Variants in TTPA observed in about 807,000 individuals in gnomAD.
TTPA encodes alpha tocopherol transfer protein.
Under a neutral mutation model 25.9 loss-of-function variants are expected in TTPA, and 23 were observed. The ratio of observed to expected loss-of-function variants is 0.89; its 90% CI spans 0.64 to 1.26. TTPA has a LOEUF of 1.26. TTPA is among the 50% of genes most tolerant of loss of function. The pLI is 0.00. For synonymous variants in TTPA, 148 were observed against 137.3 expected (o/e 1.08, Z -0.54); for missense variants, 337 against 353.1 (o/e 0.95, Z 0.37).
chr8:63,065,257 A>G (rs1805371146), intron 3 of TTPA, among the ~76,000 whole-genome samples: 1 of 152,182 alleles, frequency 6.6e-6, no homozygotes, highest in Non-Finnish European at 1.5e-5. Flanking sequence ...TCACTTCACT[A>G]CTGGCAAACT....
chr8:63,066,943 T>C (rs1319041631), intron 2 of TTPA, among the ~76,000 whole-genome samples: 1 of 151,684 alleles, frequency 6.6e-6, no homozygotes, highest in Non-Finnish European at 1.5e-5. Flanking sequence ...GGTGCAGTGG[T>C]AGGTGCCTGT....
intron 4 of TTPA, among the ~76,000 whole-genome samples, chr8:63,063,393 T>C (rs957447353): frequency 2.0e-5 from 3 of 152,186 alleles, no homozygotes; most frequent in Non-Finnish European, 4.4e-5. Context: ...TCCAGTATCT[T>C]TGCTCTAACT....
At chr8:63,085,677 C>T in intron 1 of TTPA, 141 bp downstream of exon 1, 1 of 965,916 alleles carries the variant, frequency 1.0e-6, no homozygotes, top group Admixed American at 2.8e-5. Flanking sequence ...AGCGCCCACG[C>T]CGGGTGGTTA....
rs1463178142 is a variant in TTPA, at chr8:63,061,224, T to C, written c.*28A>G. 1.2e-6 allele frequency: 2 copies of C among 1,608,476 alleles called. No homozygotes were observed. The highest frequency in any genetic ancestry group is 2.7e-5 in the African/African-American group (2 of 74,846). ...TGGATATCACTCATGTATTTTTAGT[T>C]AGGAAGCCATTCACATGACATAACT... On this transcript the variant is annotated 3_prime_UTR_variant, in exon 5 of 5. Coordinates refer to ENST00000260116, the MANE Select transcript of TTPA (RefSeq NM_000370.3).
chr8:63,065,191 G>A lies in TTPA; in HGVS notation c.552+713C>T, dbSNP rs575780872. On this transcript the variant is annotated intron_variant, in intron 3 of 4. Transcript: ENST00000260116. Reference sequence around the variant, plus strand: ...CTGCAGTAACTGTCTTTGTGTATAGGAGAAGTGGTGGTTATAAGCACGACT... The same window carrying A: ...CTGCAGTAACTGTCTTTGTGTATAGAAGAAGTGGTGGTTATAAGCACGACT... Among the ~76,000 whole-genome samples, 30 of 152,224 alleles carry A rather than the reference G, an allele frequency of 2.0e-4. No individual in the cohort carries two copies. In the South Asian group the frequency reaches 5.8e-3, roughly 29 times the overall value.
At chr8:63,064,551 CA>C (rs1805358248) in intron 3 of TTPA, among the ~76,000 whole-genome samples, 1 of 152,096 alleles carries the variant, frequency 6.6e-6, no homozygotes, top group Non-Finnish European at 1.5e-5. Context: ...AAGTATTTTA[CA>C]AAATATCTGC....
chr8:63,059,652 A>G lies in TTPA; in HGVS notation c.*1600T>C, dbSNP rs532072721. ...CAAAATTAAGAAATTATAAAATACT[A>G]AGTATAAAACTTATGTCATAAATTG... On this transcript the variant is annotated 3_prime_UTR_variant, in exon 5 of 5. Transcript: ENST00000260116. 6.6e-6 allele frequency: 1 copy of G among 152,290 alleles called. No individual in the cohort carries two copies. The highest frequency in any genetic ancestry group is 1.5e-5 in the Non-Finnish European group (1 of 68,016). The allele number at this position is 152,290 out of a possible 1,614,324, so 9.4% of individuals were successfully genotyped here. A position where few individuals can be genotyped will look rare whatever the true frequency, so the allele number is the denominator to read the frequency against.
intron 1 of TTPA, among the ~76,000 whole-genome samples, chr8:63,085,579 A>T (rs1047698729): frequency 1.3e-5 from 2 of 152,204 alleles, no homozygotes; most frequent in African/African-American, 4.8e-5. Context: ...CCATTATCCC[A>T]TGACTCCAAC....
intron 1 of TTPA, among the ~76,000 whole-genome samples, chr8:63,078,984 A>T (rs1805616526): frequency 6.6e-6 from 1 of 152,234 alleles, no homozygotes. Context: ...CTAACAGCAG[A>T]TCTCTCAGTA....
intron 2 of TTPA, among the ~76,000 whole-genome samples, chr8:63,072,111 G>A (rs147728408): frequency 1.2e-3 from 184 of 152,208 alleles, no homozygotes; most frequent in African/African-American, 4.3e-3. Flanking sequence ...GGGCATTTTC[G>A]AACTAGTCAT....
rs752810718 is a variant in TTPA, at chr8:63,061,333, C to T, written c.756G>A (p.Met252Ile). Residue 252 changes from methionine to isoleucine, a missense_variant, in exon 5 of 5, where the codon ATG (methionine) becomes ATA (isoleucine). By Grantham distance (10) the Met-to-Ile change is conservative. Coordinates refer to ENST00000260116, the MANE Select transcript of TTPA (RefSeq NM_000370.3). ...PLEYGGEEFS[M>I]EDICQEWTNF... ...TTGTCCATTCCTGACAAATGTCCTC[C>T]ATGGAGAATTCTTCACCACCATATT... is the stretch of plus-strand genomic sequence containing the variant. The T allele has an allele frequency of 6.8e-6, 11 of 1,613,726 alleles. No individual in the cohort carries two copies. The African/African-American group carries it at 1.3e-4, about 20-fold the overall frequency.
At chr8:63,071,724 T>C (rs1384908937) in intron 2 of TTPA, among the ~76,000 whole-genome samples, 4 of 151,918 alleles carry the variant, frequency 2.6e-5, no homozygotes, top group Admixed American at 2.6e-4. Context: ...CCCTTATGAG[T>C]TCCAAGAGAG....
At chr8:63,074,758 C>T (rs1427162625) in intron 1 of TTPA, among the ~76,000 whole-genome samples, 1 of 152,108 alleles carries the variant, frequency 6.6e-6, no homozygotes, top group Non-Finnish European at 1.5e-5. Context: ...GGAAGCTGCA[C>T]ATTAGTAACT....
At chr8:63,072,504 A>C (rs1805498535) in intron 2 of TTPA, among the ~76,000 whole-genome samples, 1 of 152,202 alleles carries the variant, frequency 6.6e-6, no homozygotes, top group Admixed American at 6.5e-5. Flanking sequence ...CTCAGCTGGG[A>C]TTACAGGTGT....
chr8:63,059,020 G>GTTTTTTTTTTT (rs35335226), downstream of TTPA, among the ~76,000 whole-genome samples: 2 of 67,190 alleles, frequency 3.0e-5, no homozygotes, highest in African/African-American at 5.9e-5. Context: ...GCAGGGTCCA[G>GTTTTTTTTTTT]TTTTTTTTTT....
intron 1 of TTPA, among the ~76,000 whole-genome samples, chr8:63,078,832 G>A (rs942017913): frequency 3.0e-4 from 45 of 152,118 alleles, no homozygotes; most frequent in Non-Finnish European, 5.3e-4. Flanking sequence ...AGGAAATACA[G>A]AGAACACCAC....
In TTPA at chr8:63,072,920, T is replaced by C. The variant is rs371592549; in HGVS notation, c.358+15A>G. ...GGAGGAGAGGAGAAAAAAAAAAGAGTTGTGTATGACTTACCGATTCTGTAA... is the reference window on the plus strand; with the variant it reads ...GGAGGAGAGGAGAAAAAAAAAAGAGCTGTGTATGACTTACCGATTCTGTAA... On this transcript the variant is annotated intron_variant, in intron 2 of 4. Coordinates refer to ENST00000260116, the MANE Select transcript of TTPA (RefSeq NM_000370.3). 2.1e-5 allele frequency: 34 copies of C among 1,603,880 alleles called. No homozygotes were observed. Among genetic ancestry groups the C allele is most frequent in the Non-Finnish European group, 2.8e-5 (33 of 1,177,086 alleles).
downstream of TTPA, among the ~76,000 whole-genome samples, chr8:63,059,249 G>A (rs1805260605): frequency 6.6e-6 from 1 of 150,976 alleles, no homozygotes; most frequent in Non-Finnish European, 1.5e-5. Context: ...AGCCGGGATG[G>A]TCTCGATCTC....
chr8:63,070,145 C>A (rs2129755874), intron 2 of TTPA, among the ~76,000 whole-genome samples: 2 of 152,334 alleles, frequency 1.3e-5, no homozygotes, highest in Middle Eastern at 3.4e-3. Flanking sequence ...AGGTCACATG[C>A]TCCAGAACCT....
Sources: allele counts gnomAD v4.1 joint callset (sites outside exome capture counted in the v4.1 genomes callset), GRCh38; gene constraint gnomAD v4.1.1; transcripts MANE v1.5; gene names NCBI Gene and HGNC (gene_info 2026-07-23, HGNC 2026-07-21).